ZBTB7C: variants seen among roughly 807,000 people sequenced by gnomAD.
ZBTB7C encodes zinc finger and BTB domain-containing protein 7C.
Under a neutral mutation model 25.7 loss-of-function variants are expected in ZBTB7C, and 8 were observed. That is an observed-to-expected ratio of 0.31 (90% CI 0.18 to 0.56). The LOEUF is 0.56. ZBTB7C is among the 20% of genes least tolerant of loss of function. ZBTB7C has a pLI of 0.91. For synonymous variants in ZBTB7C, 394 were observed against 369.0 expected (o/e 1.07, Z -0.78); for missense variants, 824 against 855.2 (o/e 0.96, Z 0.46).
chr18:48,178,451 G>A (rs1460751010), intron 3 of ZBTB7C, among the ~76,000 whole-genome samples: 1 of 152,206 alleles, frequency 6.6e-6, no homozygotes, highest in Non-Finnish European at 1.5e-5. Context: ...TTACTGTTCT[G>A]TGAGAAGCAT....
At chr18:48,361,306 T>C (rs1414439456) in intron 1 of ZBTB7C, among the ~76,000 whole-genome samples, 1 of 152,220 alleles carries the variant, frequency 6.6e-6, no homozygotes, top group African/African-American at 2.4e-5. Context: ...ACAATGATCC[T>C]ATAAGACAGG....
chr18:48,050,443 A>G (rs566740386), intron 3 of ZBTB7C, among the ~76,000 whole-genome samples: 1 of 152,210 alleles, frequency 6.6e-6, no homozygotes, highest in South Asian at 2.1e-4. Flanking sequence ...AGCCGGCCCC[A>G]CCTGCTCTGC....
chr18:48,192,047 T>C (rs2042210717), intron 2 of ZBTB7C, among the ~76,000 whole-genome samples: 2 of 152,336 alleles, frequency 1.3e-5, no homozygotes. Flanking sequence ...GCAACTAGGC[T>C]GTCCTTCAGT....
intron 2 of ZBTB7C, among the ~76,000 whole-genome samples, chr18:48,246,734 C>T (rs927423942): frequency 1.3e-5 from 2 of 151,968 alleles, no homozygotes; most frequent in Admixed American, 6.6e-5. Flanking sequence ...GGATGAGACA[C>T]CATATCGTAC....
intron 4 of ZBTB7C, among the ~76,000 whole-genome samples, chr18:48,037,568 G>C (rs1049810094): frequency 2.6e-5 from 4 of 152,244 alleles, no homozygotes; most frequent in African/African-American, 9.6e-5. Flanking sequence ...TCCAGACCTG[G>C]CGTGGACCTC....
intron 3 of ZBTB7C, chr18:48,136,982 C>A: frequency 1.2e-5 from 12 of 984,696 alleles, no homozygotes; most frequent in Non-Finnish European, 1.4e-5. Context: ...AGCCCAGAGG[C>A]GGGCCGAGGC....
In ZBTB7C at chr18:48,204,247, T is replaced by TCC. The variant is rs2042526592; in HGVS notation, c.-78-18254_-78-18253dup. 2.6e-5 allele frequency among the ~76,000 whole-genome samples: 4 copies of TCC among 152,262 alleles called. No individual in the cohort carries two copies. In the South Asian group the frequency reaches 8.3e-4, roughly 32 times the overall value. On this transcript the variant is annotated intron_variant, in intron 2 of 4. Transcript: ENST00000590800. ...GACGTGCTGGGAGGAGCTGGCCTCC[T>TCC]CCTCTCCACCCAACCAACTCTGCGC...
At chr18:48,191,856 A>G (rs893095244) in intron 2 of ZBTB7C, among the ~76,000 whole-genome samples, 2 of 152,214 alleles carry the variant, frequency 1.3e-5, no homozygotes, top group African/African-American at 4.8e-5. Context: ...GGAATGCAAA[A>G]TGGTACAGCC....
intron 3 of ZBTB7C, among the ~76,000 whole-genome samples, chr18:48,135,947 C>A (rs980522043): frequency 6.6e-6 from 1 of 152,226 alleles, no homozygotes; most frequent in Non-Finnish European, 1.5e-5. Flanking sequence ...AGGCAGCCGC[C>A]CGCTGCCCAC....
intron 2 of ZBTB7C, among the ~76,000 whole-genome samples, chr18:48,275,260 C>A (rs890246247): frequency 3.9e-5 from 6 of 152,198 alleles, no homozygotes; most frequent in African/African-American, 1.4e-4. Flanking sequence ...TCTTCCTCTA[C>A]TTATGGTTTA....
At chr18:48,186,571 G>A (rs2042060471) in intron 2 of ZBTB7C, among the ~76,000 whole-genome samples, 1 of 152,222 alleles carries the variant, frequency 6.6e-6, no homozygotes, top group South Asian at 2.1e-4. Context: ...AACGTTCGGG[G>A]CGGGAGGGAG....
chr18:48,280,113 T>C (rs2044789383), intron 2 of ZBTB7C, among the ~76,000 whole-genome samples: 2 of 152,150 alleles, frequency 1.3e-5, no homozygotes, highest in Non-Finnish European at 2.9e-5. Context: ...GAATACGGTG[T>C]GGTCAGTGCT....
intron 2 of ZBTB7C, among the ~76,000 whole-genome samples, chr18:48,220,025 G>A (rs1039238710): frequency 6.6e-6 from 1 of 152,116 alleles, no homozygotes; most frequent in African/African-American, 2.4e-5. Context: ...TCTGTCATCC[G>A]CAGATGTGGC....
At chr18:48,222,108 A>G (rs1192185772) in intron 2 of ZBTB7C, among the ~76,000 whole-genome samples, 3 of 149,952 alleles carry the variant, frequency 2.0e-5, no homozygotes, top group Non-Finnish European at 3.0e-5. Context: ...TACTGTCCTA[A>G]TCTCCCCTCT....
intron 1 of ZBTB7C, among the ~76,000 whole-genome samples, chr18:48,404,926 G>A (rs2048243646): frequency 6.6e-6 from 1 of 152,186 alleles, no homozygotes; most frequent in South Asian, 2.1e-4. Flanking sequence ...AAGCTGGCCA[G>A]GTGCCACCCA....
chr18:48,137,786 G>A (rs2040221389), intron 3 of ZBTB7C, among the ~76,000 whole-genome samples: 1 of 152,250 alleles, frequency 6.6e-6, no homozygotes, highest in South Asian at 2.1e-4. Flanking sequence ...CACGCAGGCT[G>A]ACTCAGAAAT....
At chr18:48,349,236 C>T (rs1168255760) in intron 1 of ZBTB7C, among the ~76,000 whole-genome samples, 1 of 152,244 alleles carries the variant, frequency 6.6e-6, no homozygotes, top group Admixed American at 6.5e-5. Context: ...CATTTTTCCC[C>T]TCAGTATATT....
At chr18:48,048,242 C>G (rs2036550727) in intron 3 of ZBTB7C, among the ~76,000 whole-genome samples, 1 of 152,124 alleles carries the variant, frequency 6.6e-6, no homozygotes, top group Non-Finnish European at 1.5e-5. Context: ...GAACAGGGGC[C>G]TTGTCTGAGC....
At position 48,245,033 on chromosome 18, in the gene ZBTB7C, C is replaced by A. The variant is rs185970554; in HGVS notation, c.-78-59038G>T. Among the ~76,000 whole-genome samples, 111 of 149,248 alleles carry A rather than the reference C, an allele frequency of 7.4e-4. 1 individual carries two copies. Among genetic ancestry groups the A allele is most frequent in the Non-Finnish European group, 6.8e-4 (46 of 67,630 alleles). ...AGCACAATTCACAATTGCAAAAATA[C>A]GGAACCAACCCAAATGCCCATCAAT... On this transcript the variant is annotated intron_variant, in intron 2 of 4. Coordinates refer to ENST00000590800, the MANE Select transcript of ZBTB7C (RefSeq NM_001318841.2).
Sources: allele counts gnomAD v4.1 joint callset (sites outside exome capture counted in the v4.1 genomes callset), GRCh38; gene constraint gnomAD v4.1.1; transcripts MANE v1.5; gene names NCBI Gene and HGNC (gene_info 2026-07-23, HGNC 2026-07-21).